Variants in CCDC122 observed in about 807,000 individuals in gnomAD.
CCDC122 encodes the protein coiled-coil domain containing 122, also known as coiled-coil domain-containing protein 122.
In CCDC122, 38 loss-of-function variants were observed where a neutral mutation model predicts 37.0. The ratio of observed to expected loss-of-function variants is 1.03; its 90% CI spans 0.79 to 1.35. The LOEUF (loss-of-function observed/expected upper bound fraction) is 1.35. CCDC122 is among the 40% of genes most tolerant of loss of function. The pLI is 0.00. For synonymous variants in CCDC122, 83 were observed against 95.6 expected, an observed-to-expected ratio of 0.87 and a Z score of 0.77; for missense variants, 305 against 310.0, an observed-to-expected ratio of 0.98 and a Z score of 0.12.
chr13:43,837,121 G>T lies in CCDC122; in HGVS notation c.*159C>A. 3.1e-6 allele frequency: 2 copies of T among 644,466 alleles called. No homozygotes were observed. The highest frequency in any genetic ancestry group is 2.1e-5 in the South Asian group (1 of 47,030). The allele number at this position is 644,466 out of a possible 1,614,324, so 39.9% of individuals were successfully genotyped here. A position where few individuals can be genotyped will look rare whatever the true frequency, so the allele number is the denominator to read the frequency against. Reference sequence around the variant, plus strand: ...GGGTTAGAAGGCATTTTAACAAATCGATGACTGATTTAAAAAAAACAACAA... The same window carrying T: ...GGGTTAGAAGGCATTTTAACAAATCTATGACTGATTTAAAAAAAACAACAA... On this transcript the variant is annotated 3_prime_UTR_variant, in exon 7 of 7. Transcript: ENST00000444614.
At chr13:43,866,525 A>G (rs1285060841) in intron 4 of CCDC122, among the ~76,000 whole-genome samples, 2 of 152,212 alleles carry the variant, frequency 1.3e-5, no homozygotes, top group African/African-American at 4.8e-5. Context: ...TAAAATTGAG[A>G]GAACTAACAT....
At chr13:43,827,976 T>C (rs1276658139) in intron 3 of CCDC122, among the ~76,000 whole-genome samples, 1 of 152,180 alleles carries the variant, frequency 6.6e-6, no homozygotes, top group Non-Finnish European at 1.5e-5. Flanking sequence ...TAGAATTTTG[T>C]TTTAGCTGAA....
rs575616375 is a variant in CCDC122, at chr13:43,844,605, T to C, written c.673-7176A>G. Reference sequence around the variant, plus strand: ...AAAGTTAAGATATCTGATATGACTATAGATCTGTCTCTTTTTTTCTTTGGT... The same window carrying C: ...AAAGTTAAGATATCTGATATGACTACAGATCTGTCTCTTTTTTTCTTTGGT... On this transcript the variant is annotated intron_variant, in intron 6 of 6. Transcript: ENST00000444614. Among the ~76,000 whole-genome samples the C allele has an allele frequency of 1.4e-4, 21 of 152,250 alleles. No individual in the cohort carries two copies. The East Asian group carries it at 4.0e-3, about 29-fold the overall frequency.
At chr13:43,868,830 T>C (rs1954356817) in intron 3 of CCDC122, 27 bp from the exon 4 acceptor site, 4 of 1,111,368 alleles carry the variant, frequency 3.6e-6, no homozygotes, top group Non-Finnish European at 4.8e-6. Context: ...GAATAAAGTA[T>C]ATAATAAAAA....
chr13:43,835,924 G>A (rs2325085), downstream of CCDC122, among the ~76,000 whole-genome samples: 57,147 of 152,076 alleles, frequency 0.38, 11,003 homozygotes, highest in East Asian at 0.52. Flanking sequence ...AAAGCTGATT[G>A]TGTTACAGGA....
intron 2 of CCDC122, among the ~76,000 whole-genome samples, chr13:43,873,420 T>C (rs1954507593): frequency 6.6e-6 from 1 of 152,174 alleles, no homozygotes; most frequent in Admixed American, 6.5e-5. Flanking sequence ...CTTCTCTATC[T>C]CAGTAAATTA....
intron 6 of CCDC122, chr13:43,858,104 T>C (rs1328089170): frequency 6.6e-6 from 1 of 152,206 alleles, no homozygotes; most frequent in Non-Finnish European, 1.5e-5. Context: ...TTTTTATCTT[T>C]AATTTCCTCA....
chr13:43,852,157 T>C (rs1020223611), intron 6 of CCDC122, among the ~76,000 whole-genome samples: 3 of 151,838 alleles, frequency 2.0e-5, no homozygotes, highest in African/African-American at 4.8e-5. Context: ...ATGACAGAAA[T>C]AGAATTCAGA....
chr13:43,840,843 T>C (rs554205041), intron 6 of CCDC122, among the ~76,000 whole-genome samples: 14 of 151,932 alleles, frequency 9.2e-5, no homozygotes, highest in African/African-American at 2.9e-4. Context: ...GCAATAAACA[T>C]ACATGTGCAT....
intron 5 of CCDC122, among the ~76,000 whole-genome samples, 178 bp downstream of exon 5, chr13:43,859,494 C>T (rs3088362): frequency 6.6e-6 from 1 of 151,618 alleles, no homozygotes; most frequent in East Asian, 1.9e-4. Flanking sequence ...CATCTAGGGT[C>T]GTTGTTATAT....
chr13:43,819,243 A>C (rs1048846170), downstream of CCDC122, among the ~76,000 whole-genome samples: 3 of 152,214 alleles, frequency 2.0e-5, no homozygotes, highest in Non-Finnish European at 2.9e-5. Flanking sequence ...TGTGATTATA[A>C]AAATGGTAGG....
At chr13:43,862,398 T>C (rs1954135519) in intron 4 of CCDC122, among the ~76,000 whole-genome samples, 1 of 152,170 alleles carries the variant, frequency 6.6e-6, no homozygotes, top group South Asian at 2.1e-4. Flanking sequence ...TTCAGTATTA[T>C]TATTATGTCT....
At position 43,830,562 on chromosome 13, in the gene CCDC122, G is replaced by A. The variant is rs140429202; in HGVS notation, n.602-6551C>T. Reference sequence around the variant, plus strand: ...ATCCCGGAGAAAGTCTTAGGTAAGAGTTTTGGAGGCGAAAGCATGACTCAA... The same window carrying A: ...ATCCCGGAGAAAGTCTTAGGTAAGAATTTTGGAGGCGAAAGCATGACTCAA... On this transcript the variant is annotated intron_variant and non_coding_transcript_variant, in intron 3 of 3. Coordinates refer to the CCDC122 transcript ENST00000470137. 5.6e-3 allele frequency among the ~76,000 whole-genome samples: 857 copies of A among 152,282 alleles called. 8 individuals carry two copies. The highest frequency in any genetic ancestry group is 0.019 in the African/African-American group (776 of 41,568).
chr13:43,849,035 C>A (rs772469229), intron 6 of CCDC122: 64 of 947,508 alleles, frequency 6.8e-5, no homozygotes, highest in Non-Finnish European at 7.5e-5. Flanking sequence ...AAAAATGTAA[C>A]GTTTTAAGAA....
In CCDC122 at chr13:43,837,149, G is replaced by C; in HGVS notation, c.*131C>G. On this transcript the variant is annotated 3_prime_UTR_variant, in exon 7 of 7. Transcript: ENST00000444614. ...GACTGATTTAAAAAAAACAACAACC[G>C]AAGACATCTGTCATTAAGACAGGTC... is the stretch of plus-strand genomic sequence containing the variant. 1.2e-6 allele frequency: 1 copy of C among 858,856 alleles called. No individual in the cohort carries two copies. 53.2% of individuals were successfully genotyped at this position (858,856 alleles called of 1,614,324 possible).
chr13:43,849,201 G>A (rs1953643298), intron 6 of CCDC122: 2 of 371,492 alleles, frequency 5.4e-6, no homozygotes, highest in Non-Finnish European at 7.4e-6. Context: ...TCTTAACAGA[G>A]GGGTCCCTAT....
intron 3 of CCDC122, among the ~76,000 whole-genome samples, chr13:43,829,152 G>A (rs549940412): frequency 1.2e-4 from 19 of 152,148 alleles, no homozygotes; most frequent in Non-Finnish European, 2.1e-4. Flanking sequence ...CAAATGCTGT[G>A]GCTGATATTT....
At chr13:43,874,142 A>G (rs1408156313) in intron 2 of CCDC122, among the ~76,000 whole-genome samples, 1 of 152,224 alleles carries the variant, frequency 6.6e-6, no homozygotes, top group Non-Finnish European at 1.5e-5. Context: ...AGATAAAGGT[A>G]TAGGTCTAGA....
intron 6 of CCDC122, among the ~76,000 whole-genome samples, chr13:43,857,449 AGTGTGTGTGTGTGTGT>A (rs60383575): frequency 4.0e-5 from 6 of 149,598 alleles, no homozygotes; most frequent in South Asian, 2.1e-4. Context: ...AATACTTAGA[AGTGTGTGTGTGTGTGT>A]GTGTGTGTGT....
Sources: gnomAD v4.1 joint callset for allele counts (sites outside exome capture counted in the v4.1 genomes callset) on GRCh38, gnomAD v4.1.1 for gene constraint, MANE v1.5 for transcripts, NCBI Gene and HGNC (gene_info 2026-07-23, HGNC 2026-07-21) for gene names.